Variants in CGNL1 observed in about 807,000 individuals in gnomAD.
CGNL1 encodes cingulin like 1, also known as cingulin-like protein 1.
A neutral mutation model predicts 141.2 loss-of-function variants in CGNL1; 132 were observed. The ratio of observed to expected loss-of-function variants is 0.93; its 90% CI spans 0.81 to 1.08. The LOEUF (loss-of-function observed/expected upper bound fraction) is 1.08. Ranked by LOEUF, CGNL1 falls within the 50% of genes least tolerant of loss-of-function variation. The pLI is 0.00. For missense variants in CGNL1, 1,870 were observed against 1,588.6 expected (o/e 1.18, Z -3.01); for synonymous variants, 690 against 622.1 (o/e 1.11, Z -1.63).
At chr15:57,419,674 C>A (rs1441916375) in intron 1 of CGNL1, among the ~76,000 whole-genome samples, 6 of 152,094 alleles carry the variant, frequency 3.9e-5, no homozygotes, top group African/African-American at 1.4e-4. Flanking sequence ...GATAAAGCAC[C>A]CTTCTCATCA....
chr15:57,550,258 A>G lies in CGNL1; in HGVS notation c.*2768A>G, dbSNP rs868224616. ...TTCAAGTCCCGGCTCATCTCACCCC[A>G]GTGACTTTGACAGTGTGCTCACTCT... is the stretch of plus-strand genomic sequence containing the variant. On this transcript the variant is annotated 3_prime_UTR_variant, in exon 19 of 19. Coordinates refer to ENST00000281282, the MANE Select transcript of CGNL1 (RefSeq NM_032866.5). The G allele has an allele frequency of 6.6e-6, 1 of 152,570 alleles. No homozygotes were observed. The highest frequency in any genetic ancestry group is 6.5e-5 in the Admixed American group (1 of 15,278). The allele number at this position is 152,570 out of a possible 1,614,324, so 9.5% of individuals were successfully genotyped here.
At chr15:57,525,468 T>C (rs2031551550) in intron 12 of CGNL1, among the ~76,000 whole-genome samples, 1 of 152,230 alleles carries the variant, frequency 6.6e-6, no homozygotes, top group South Asian at 2.1e-4. Context: ...CCCAGTTTTC[T>C]GAGCATATGT....
At chr15:57,415,529 G>A (rs577758491) in intron 1 of CGNL1, among the ~76,000 whole-genome samples, 60 of 152,288 alleles carry the variant, frequency 3.9e-4, no homozygotes, top group African/African-American at 1.3e-3. Context: ...GAGGAATGCA[G>A]CCCTGTTGCC....
chr15:57,544,962 T>C (rs1380553391), intron 16 of CGNL1, among the ~76,000 whole-genome samples: 2 of 152,216 alleles, frequency 1.3e-5, no homozygotes, highest in Non-Finnish European at 2.9e-5. Flanking sequence ...AGGCTGACTC[T>C]GCCCTGGCGG....
At chr15:57,461,063 T>G (rs553229602) in intron 7 of CGNL1, among the ~76,000 whole-genome samples, 1 of 152,182 alleles carries the variant, frequency 6.6e-6, no homozygotes, top group Admixed American at 6.5e-5. Context: ...TGCCGAGCCT[T>G]TGGCAGGACA....
Position 57,545,576 on chromosome 15 carries a change from GT to G in CGNL1, c.3501-15del. 1.9e-6 allele frequency: 3 copies of G among 1,607,146 alleles called. No homozygotes were observed. Among genetic ancestry groups the G allele is most frequent in the Non-Finnish European group, 2.5e-6 (3 of 1,176,858 alleles). On this transcript the variant is annotated splice_polypyrimidine_tract_variant and intron_variant, in intron 16 of 18. Coordinates refer to ENST00000281282, the MANE Select transcript of CGNL1 (RefSeq NM_032866.5). ...TGGGAGTGAGAGGGTTCTTGGTTCT[GT>G]CTCCCCTCTTCCAGGGATCGGGCCA... is the stretch of plus-strand genomic sequence containing the variant.
At chr15:57,459,190 G>C (rs1333119636) in intron 7 of CGNL1, among the ~76,000 whole-genome samples, 1 of 152,188 alleles carries the variant, frequency 6.6e-6, no homozygotes, top group Non-Finnish European at 1.5e-5. Context: ...GAAGCCACAA[G>C]TGAAATAACT....
At chr15:57,524,558 C>T in intron 11 of CGNL1, 23 bp from the exon 12 acceptor site, 1 of 1,604,260 alleles carries the variant, frequency 6.2e-7, no homozygotes, top group African/African-American at 1.3e-5. Flanking sequence ...AGGGTGGGCT[C>T]ACACCCGTGT....
intron 1 of CGNL1, among the ~76,000 whole-genome samples, chr15:57,395,890 A>C (rs897542359): frequency 3.0e-4 from 45 of 152,220 alleles, no homozygotes; most frequent in Non-Finnish European, 5.9e-4. Flanking sequence ...CATAAATTAT[A>C]ATGTACAGAA....
At chr15:57,544,879 T>G (rs2032772246) in intron 16 of CGNL1, among the ~76,000 whole-genome samples, 1 of 152,186 alleles carries the variant, frequency 6.6e-6, no homozygotes, top group Admixed American at 6.5e-5. Flanking sequence ...GTACTTGCTG[T>G]CCCTTTTCCC....
intron 1 of CGNL1, among the ~76,000 whole-genome samples, chr15:57,396,083 C>T (rs1331062922): frequency 1.3e-5 from 2 of 152,088 alleles, no homozygotes; most frequent in African/African-American, 4.8e-5. Flanking sequence ...TGAAATTCAT[C>T]CATTGATGTG....
chr15:57,455,030 C>T (rs535407787), intron 7 of CGNL1, among the ~76,000 whole-genome samples: 1 of 152,214 alleles, frequency 6.6e-6, no homozygotes, highest in South Asian at 2.1e-4. Flanking sequence ...AATATAAGGA[C>T]AATCATAATG....
intron 10 of CGNL1, among the ~76,000 whole-genome samples, chr15:57,518,703 G>T (rs1186774119): frequency 2.0e-5 from 3 of 152,178 alleles, no homozygotes; most frequent in Non-Finnish European, 4.4e-5. Context: ...GACAATTTTG[G>T]TTGTCACAAC....
At chr15:57,455,609 C>G (rs1314732899) in intron 7 of CGNL1, among the ~76,000 whole-genome samples, 1 of 152,190 alleles carries the variant, frequency 6.6e-6, no homozygotes, top group Non-Finnish European at 1.5e-5. Context: ...CATTTCACAT[C>G]TAGCACAGTG....
chr15:57,545,567 C>T, intron 16 of CGNL1, 25 bp from the exon 17 acceptor site: 1 of 1,599,864 alleles, frequency 6.3e-7, no homozygotes, highest in Non-Finnish European at 8.5e-7. Context: ...TGAGAGGGTT[C>T]TTGGTTCTGT....
chr15:57,431,858 T>A (rs554722904), intron 1 of CGNL1, among the ~76,000 whole-genome samples: 2 of 152,132 alleles, frequency 1.3e-5, no homozygotes, highest in Non-Finnish European at 1.5e-5. Context: ...GATTTAGAGG[T>A]TTTAGCTCAT....
rs1289803388 is a variant in CGNL1 at position 57,524,602 on chromosome 15, T to C, written c.2890T>C (p.Ser964Pro). The change falls in exon 12 of 19, where the codon TCC becomes CCC. Residue 964 changes from serine to proline, a missense_variant. Ser to Pro is a moderately conservative substitution (Grantham distance 74, BLOSUM62 -1). Transcript: ENST00000281282. ...CTAGATGGCAGACATTGTTGAGGCC[T>C]CCCGTACCTCAACCCTGGAGCTCCA... Reference protein sequence around the residue: ...QKEMADIVEASRTSTLELQNQ... With the variant: ...QKEMADIVEAPRTSTLELQNQ... 1 of 1,613,608 alleles carries C rather than the reference T, an allele frequency of 6.2e-7. No individual in the cohort carries two copies. Among genetic ancestry groups the C allele is most frequent in the Admixed American group, 1.7e-5 (1 of 59,976 alleles).
chr15:57,536,505 A>G (rs1278546836), intron 14 of CGNL1, among the ~76,000 whole-genome samples: 2 of 152,206 alleles, frequency 1.3e-5, no homozygotes, highest in African/African-American at 2.4e-5. Context: ...TGATAAAATG[A>G]TATCTTCTTT....
At chr15:57,528,559 C>T in intron 12 of CGNL1, 95 bp from the exon 13 acceptor site, 1 of 1,285,508 alleles carries the variant, frequency 7.8e-7, no homozygotes, top group Non-Finnish European at 1.1e-6. Flanking sequence ...TCCAGCTGAT[C>T]TTCCTTTTGG....
Sources: gnomAD v4.1 joint callset for allele counts (sites outside exome capture counted in the v4.1 genomes callset) on GRCh38, gnomAD v4.1.1 for gene constraint, MANE v1.5 for transcripts, NCBI Gene and HGNC (gene_info 2026-07-23, HGNC 2026-07-21) for gene names.